Variants in FAM78B observed in about 807,000 individuals in gnomAD.
FAM78B encodes the protein protein FAM78B.
FAM78B carries 10 observed loss-of-function variants against 20.0 expected under a neutral mutation model. That is an observed-to-expected ratio of 0.50 (90% CI 0.31 to 0.85). The LOEUF (loss-of-function observed/expected upper bound fraction) is 0.85. FAM78B is among the 40% of genes least tolerant of loss of function. FAM78B has a pLI of 0.05. For synonymous variants in FAM78B, 135 were observed against 132.8 expected (o/e 1.02, Z -0.12); for missense variants, 283 against 345.0 (o/e 0.82, Z 1.42).
At chr1:166,102,853 C>T (rs565296860) in intron 1 of FAM78B, among the ~76,000 whole-genome samples, 1 of 150,770 alleles carries the variant, frequency 6.6e-6, no homozygotes, top group African/African-American at 2.5e-5. Flanking sequence ...CTGCACCAAG[C>T]AGACCTAATA....
chr1:166,070,282 G>T lies in FAM78B; in HGVS notation c.745C>A (p.Pro249Thr). The T allele has an allele frequency of 6.4e-7, 1 of 1,563,148 alleles. No homozygotes were observed. Among genetic ancestry groups the T allele is most frequent in the Non-Finnish European group, 8.7e-7 (1 of 1,153,130 alleles). Reference protein sequence around the residue: ...ANDAQVLMWRPKRGPPLVVIP... With the variant: ...ANDAQVLMWRTKRGPPLVVIP... ...ACAACCAGAGGTGGCCCCCGCTTGG[G>T]CCTCCACATGAGGACCTGGGCATCA... The change falls in exon 2 of 2, where the codon CCC becomes ACC. Residue 249 changes from proline (P) to threonine (T), a missense_variant. Pro to Thr is a conservative substitution (Grantham distance 38). Coordinates refer to ENST00000354422, the MANE Select transcript of FAM78B (RefSeq NM_001017961.5).
intron 1 of FAM78B, among the ~76,000 whole-genome samples, chr1:166,142,917 A>G (rs573126371): frequency 4.6e-4 from 70 of 152,338 alleles, no homozygotes; most frequent in African/African-American, 1.7e-3. Context: ...TTCTTAGTTC[A>G]GGGAGCTCAG....
chr1:166,166,182 C>T lies in FAM78B; in HGVS notation c.67G>A (p.Val23Met). 2.5e-6 allele frequency: 4 copies of T among 1,597,350 alleles called. No individual in the cohort carries two copies. Among genetic ancestry groups the T allele is most frequent in the Admixed American group, 1.7e-5 (1 of 57,752 alleles). Reference protein sequence around the residue: ...IRRENIVVYDVCATIDQCPTR... With the variant: ...IRRENIVVYDMCATIDQCPTR... Reference sequence around the variant, plus strand: ...GGGCACTGGTCGATGGTGGCGCACACATCGTACACCACGATGTTCTCGCGC... The same window carrying T: ...GGGCACTGGTCGATGGTGGCGCACATATCGTACACCACGATGTTCTCGCGC... The change falls in exon 1 of 2, where the codon GTG (valine) becomes ATG (methionine). Residue 23 changes from valine (V) to methionine (M), a missense_variant. Coordinates refer to ENST00000354422, the MANE Select transcript of FAM78B (RefSeq NM_001017961.5).
chr1:166,157,398 G>T (rs1486848863), intron 1 of FAM78B, among the ~76,000 whole-genome samples: 1 of 151,166 alleles, frequency 6.6e-6, no homozygotes, highest in Non-Finnish European at 1.5e-5. Flanking sequence ...CTAGATGCTG[G>T]CTTATTAAGG....
At chr1:166,104,990 C>T (rs895247676) in intron 1 of FAM78B, among the ~76,000 whole-genome samples, 2 of 152,180 alleles carry the variant, frequency 1.3e-5, no homozygotes, top group African/African-American at 4.8e-5. Flanking sequence ...CAGCATGGTA[C>T]TGGTACCTAA....
At chr1:166,154,601 C>A in intron 1 of FAM78B, 1 of 416,590 alleles carries the variant, frequency 2.4e-6, no homozygotes, top group South Asian at 1.8e-5. Flanking sequence ...GTGGCCATCT[C>A]TGCCTGAAGA....
At chr1:166,082,257 T>C (rs1652612974) in intron 1 of FAM78B, among the ~76,000 whole-genome samples, 1 of 152,206 alleles carries the variant, frequency 6.6e-6, no homozygotes, top group African/African-American at 2.4e-5. Flanking sequence ...CAACTTCAAC[T>C]TTTTTCACTT....
chr1:166,070,107 A>C lies in FAM78B; in HGVS notation c.*134T>G. ...ACCCAAGGAGCAGCCCTACTCTTCA[A>C]AAGTGGCTGCAAAGGCTGGCAAACC... On this transcript the variant is annotated 3_prime_UTR_variant, in exon 2 of 2. Coordinates refer to ENST00000354422, the MANE Select transcript of FAM78B (RefSeq NM_001017961.5). 7.2e-7 allele frequency: 1 copy of C among 1,396,590 alleles called. No individual in the cohort carries two copies. 86.5% of individuals were successfully genotyped at this position (1,396,590 alleles called of 1,614,324 possible).
intron 1 of FAM78B, among the ~76,000 whole-genome samples, chr1:166,143,099 C>T (rs201257031): frequency 6.6e-6 from 1 of 152,162 alleles, no homozygotes; most frequent in East Asian, 1.9e-4. Context: ...ATTTCCTCAT[C>T]TTTAAGTAGC....
chr1:166,154,659 G>A, intron 1 of FAM78B: 1 of 509,690 alleles, frequency 2.0e-6, no homozygotes, highest in South Asian at 1.5e-5. Flanking sequence ...AGGCAGTGAT[G>A]AAAAAACAGG....
chr1:166,078,290 A>C (rs1005646067), intron 1 of FAM78B, among the ~76,000 whole-genome samples: 4 of 151,854 alleles, frequency 2.6e-5, no homozygotes, highest in Non-Finnish European at 5.9e-5. Context: ...CGACCTCCCA[A>C]AGTGCTGGGA....
intron 1 of FAM78B, among the ~76,000 whole-genome samples, chr1:166,073,022 G>A (rs1479790778): frequency 2.0e-5 from 3 of 152,112 alleles, no homozygotes; most frequent in African/African-American, 7.2e-5. Context: ...ACTTAGTTTG[G>A]TCCTAGGTTT....
intron 1 of FAM78B, among the ~76,000 whole-genome samples, chr1:166,149,767 C>T (rs1655606610): frequency 6.6e-6 from 1 of 152,184 alleles, no homozygotes; most frequent in African/African-American, 2.4e-5. Context: ...AATACCTCCA[C>T]ACAGGGAATC....
intron 1 of FAM78B, chr1:166,082,680 GT>G (rs1652627610): frequency 6.6e-6 from 1 of 152,352 alleles, no homozygotes; most frequent in South Asian, 2.1e-4. Flanking sequence ...CCCAGAACAG[GT>G]GCTTCCTTCA....
intron 1 of FAM78B, among the ~76,000 whole-genome samples, chr1:166,092,800 G>C (rs1227016905): frequency 6.6e-6 from 1 of 152,194 alleles, no homozygotes. Context: ...GATACAGTGA[G>C]AGTAAAAGAG....
At chr1:166,165,810 C>A (rs1021407698) in intron 1 of FAM78B, among the ~76,000 whole-genome samples, 176 bp downstream of exon 1, 2 of 152,114 alleles carry the variant, frequency 1.3e-5, no homozygotes, top group Non-Finnish European at 2.9e-5. Context: ...CCTCCCTACA[C>A]CCGCCCTGTC....
chr1:166,057,617 T>C (rs1008741614), exon 3 of FAM78B: 11 of 152,238 alleles, frequency 7.2e-5, no homozygotes, highest in African/African-American at 2.4e-4. Flanking sequence ...CTCCAAACTG[T>C]AGCAGAATAC....
intron 1 of FAM78B, among the ~76,000 whole-genome samples, chr1:166,105,715 G>A (rs1653747122): frequency 6.6e-6 from 1 of 152,050 alleles, no homozygotes; most frequent in African/African-American, 2.4e-5. Context: ...AACAGGTGCT[G>A]GAGAGGATGT....
At chr1:166,165,485 C>T (rs939062648) in intron 1 of FAM78B, among the ~76,000 whole-genome samples, 1 of 152,150 alleles carries the variant, frequency 6.6e-6, no homozygotes, top group African/African-American at 2.4e-5. Flanking sequence ...GTCGCGAGGG[C>T]AAGGACAGAA....
Sources: gnomAD v4.1 joint callset for allele counts (sites outside exome capture counted in the v4.1 genomes callset) on GRCh38, gnomAD v4.1.1 for gene constraint, MANE v1.5 for transcripts, NCBI Gene and HGNC (gene_info 2026-07-23, HGNC 2026-07-21) for gene names.